CEP164: variants seen among roughly 807,000 people sequenced by gnomAD.
The protein encoded by CEP164 is centrosomal protein of 164 kDa.
CEP164 carries 162 observed loss-of-function variants against 182.7 expected under a neutral mutation model. The ratio of observed to expected loss-of-function variants is 0.89; its 90% CI spans 0.78 to 1.01. The LOEUF is 1.01. CEP164 is among the 50% of genes least tolerant of loss of function. The probability of loss-of-function intolerance (pLI) is 0.00; values close to 1 mark genes in which losing one functional copy is unlikely to be tolerated. For synonymous variants in CEP164, 661 were observed against 690.0 expected, an observed-to-expected ratio of 0.96 and a Z score of 0.66; for missense variants, 1,735 against 1,790.4, an observed-to-expected ratio of 0.97 and a Z score of 0.56.
chr11:117,375,031 G>A (rs1025179478), intron 10 of CEP164, among the ~76,000 whole-genome samples: 3 of 152,208 alleles, frequency 2.0e-5, no homozygotes, highest in African/African-American at 7.2e-5. Flanking sequence ...CCAAAGAGAA[G>A]CCAGTGCAGG....
Position 117,351,758 on chromosome 11 carries a change from G to C in CEP164, c.195-32G>C, listed in dbSNP as rs202137006. On this transcript the variant is annotated intron_variant, in intron 4 of 32. Transcript: ENST00000278935. ...TTTTTTCTTCTTTTGTATCTGAGCA[G>C]GGACTAACTTCTGAACTCTGCCCAT... 49 of 1,584,378 alleles carry C rather than the reference G, an allele frequency of 3.1e-5. No individual in the cohort carries two copies. The East Asian group carries it at 1.1e-3, about 36-fold the overall frequency.
At position 117,358,604 on chromosome 11, in the gene CEP164, T is replaced by C. The variant is rs151228219; in HGVS notation, c.394-3231T>C. The stretch of plus-strand genomic sequence containing the variant: ...TGTTGTCCATGCTGGAGTTCAATGG[T>C]GTGATCGTAGCTCATTGCAGCCTTG... On this transcript the variant is annotated intron_variant, in intron 5 of 32. Coordinates refer to ENST00000278935, the MANE Select transcript of CEP164 (RefSeq NM_014956.5). 2.1e-4 allele frequency among the ~76,000 whole-genome samples: 31 copies of C among 148,462 alleles called. No individual in the cohort carries two copies. The East Asian group carries it at 6.3e-3, about 30-fold the overall frequency.
intron 28 of CEP164, chr11:117,408,576 C>A: frequency 2.6e-6 from 1 of 377,716 alleles, no homozygotes; most frequent in Non-Finnish European, 5.0e-6. Context: ...TGCTGTGAGG[C>A]AGCCTGTGTG....
chr11:117,362,330 G>A lies in CEP164; in HGVS notation c.553-74G>A. The A allele has an allele frequency of 2.0e-6, 3 of 1,488,924 alleles. No individual in the cohort carries two copies. The Admixed American group carries it at 5.7e-5, about 28-fold the overall frequency. The allele number at this position is 1,488,924 out of a possible 1,614,324, so 92.2% of individuals were successfully genotyped here. A position where few individuals can be genotyped will look rare whatever the true frequency, so the allele number is the denominator to read the frequency against. On this transcript the variant is annotated intron_variant, in intron 6 of 32. Coordinates refer to ENST00000278935, the MANE Select transcript of CEP164 (RefSeq NM_014956.5). ...TCTGGGAGACATTGACATAGAGAGT[G>A]GGGAGGAGCATTCTAAAGGTCATTC...
Position 117,413,250 on chromosome 11 carries a change from T to A in CEP164, c.*1082T>A, listed in dbSNP as rs1169007954. 6.6e-6 allele frequency: 1 copy of A among 151,454 alleles called. No individual in the cohort carries two copies. The highest frequency in any genetic ancestry group is 2.4e-5 in the African/African-American group (1 of 41,114). 9.4% of individuals were successfully genotyped at this position (151,454 alleles called of 1,614,324 possible). On this transcript the variant is annotated 3_prime_UTR_variant, in exon 33 of 33. Coordinates refer to ENST00000278935, the MANE Select transcript of CEP164 (RefSeq NM_014956.5). ...TGTTTAAATAAAATGCACTTATTTTTGTTTTTTTTTTTGCAAGCTGTGGGG... is the reference window on the plus strand; with the variant it reads ...TGTTTAAATAAAATGCACTTATTTTAGTTTTTTTTTTTGCAAGCTGTGGGG...
At chr11:117,336,574 C>T (rs759920971) in intron 2 of CEP164, 18 of 1,520,012 alleles carry the variant, frequency 1.2e-5, no homozygotes, top group Non-Finnish European at 1.6e-5. Context: ...ACCTCCAGGG[C>T]ACCCAGTGTT....
intron 4 of CEP164, among the ~76,000 whole-genome samples, chr11:117,347,158 G>C (rs2039010187): frequency 1.3e-5 from 2 of 151,982 alleles, no homozygotes. Context: ...CAAAAATCTT[G>C]ATTTATTTGA....
chr11:117,351,801 C>G lies in CEP164; in HGVS notation c.206C>G (p.Thr69Arg). ...PGEWKPCQDI[T>R]GDIYYFNFAN... ...CTGCCCATCCCCAGCCAGGACATCACAGGTGACATTTACTATTTCAACTTC... is the reference window on the plus strand; with the variant it reads ...CTGCCCATCCCCAGCCAGGACATCAGAGGTGACATTTACTATTTCAACTTC... The change falls in exon 5 of 33, where the codon ACA becomes AGA. Residue 69 changes from threonine (T) to arginine (R), a missense_variant. Thr to Arg is a moderately conservative substitution (Grantham distance 71). Transcript: ENST00000278935. The G allele has an allele frequency of 6.2e-7, 1 of 1,613,732 alleles. No individual in the cohort carries two copies. Among genetic ancestry groups the G allele is most frequent in the Non-Finnish European group, 8.5e-7 (1 of 1,179,918 alleles).
At chr11:117,328,760 A>G (rs1407043837) in intron 1 of CEP164, among the ~76,000 whole-genome samples, 1 of 152,230 alleles carries the variant, frequency 6.6e-6, no homozygotes, top group East Asian at 1.9e-4. Context: ...TCATCTAATA[A>G]ATACAGCAAA....
At position 117,397,163 on chromosome 11, in the gene CEP164, T is replaced by C. The variant is rs951698361; in HGVS notation, c.3351T>C (p.Leu1117=). Residue 1117 remains leucine, a synonymous_variant, in exon 27 of 33, where the codon CTT becomes CTC. Transcript: ENST00000278935. ...GVALRSAKEF[L]VQQTRSMRRR... ...CCCTCCGTAGTGCCAAGGAGTTCCT[T>C]GTGCAGCAGACACGCTCCATGCGGA... 6.2e-7 allele frequency: 1 copy of C among 1,614,246 alleles called. No homozygotes were observed. The highest frequency in any genetic ancestry group is 8.5e-7 in the Non-Finnish European group (1 of 1,180,036).
intron 3 of CEP164, among the ~76,000 whole-genome samples, chr11:117,343,653 G>A (rs989506559): frequency 2.2e-5 from 3 of 137,576 alleles, no homozygotes; most frequent in Admixed American, 7.9e-5. Flanking sequence ...TTTTTGAGAC[G>A]AAGTCTTGCT....
intron 4 of CEP164, among the ~76,000 whole-genome samples, chr11:117,345,008 G>C (rs887766168): frequency 6.6e-6 from 1 of 152,186 alleles, no homozygotes; most frequent in Non-Finnish European, 1.5e-5. Flanking sequence ...ATGTTAAAGA[G>C]GTTTGCAGTG....
intron 5 of CEP164, among the ~76,000 whole-genome samples, chr11:117,352,629 C>T (rs1036416857): frequency 3.3e-5 from 5 of 152,196 alleles, no homozygotes; most frequent in African/African-American, 1.2e-4. Context: ...CTCTGTCACC[C>T]AGGCTGGAGT....
chr11:117,360,845 G>A (rs1375668872), intron 5 of CEP164, among the ~76,000 whole-genome samples: 1 of 151,930 alleles, frequency 6.6e-6, no homozygotes, highest in African/African-American at 2.4e-5. Context: ...GCTTTTTCTT[G>A]ACTCATCAGT....
intron 4 of CEP164, among the ~76,000 whole-genome samples, chr11:117,349,228 G>A (rs1476125582): frequency 6.6e-6 from 1 of 152,008 alleles, no homozygotes; most frequent in Non-Finnish European, 1.5e-5. Context: ...TCACCATGTT[G>A]GCCAGGCTGG....
At chr11:117,354,574 G>A (rs879869573) in intron 5 of CEP164, among the ~76,000 whole-genome samples, 4 of 152,052 alleles carry the variant, frequency 2.6e-5, no homozygotes, top group Non-Finnish European at 5.9e-5. Context: ...AACTTCCCAG[G>A]TTCCATGGAG....
At chr11:117,357,579 A>G (rs534296) in intron 5 of CEP164, among the ~76,000 whole-genome samples, 32,959 of 151,204 alleles carry the variant, frequency 0.22, 3,737 homozygotes, top group African/African-American at 0.28. Context: ...GTGCTAACAC[A>G]CCTGGCTAAT....
chr11:117,372,473 A>C (rs1386338508), intron 9 of CEP164, among the ~76,000 whole-genome samples: 2 of 149,754 alleles, frequency 1.3e-5, no homozygotes, highest in East Asian at 4.0e-4. Flanking sequence ...GCTGGAGTGC[A>C]GTGGTGCGAT....
chr11:117,409,824 G>A lies in CEP164; in HGVS notation c.3955G>A (p.Ala1319Thr), dbSNP rs769207410. 235 of 1,607,746 alleles carry A rather than the reference G, an allele frequency of 1.5e-4. No homozygotes were observed. The highest frequency in any genetic ancestry group is 2.0e-4 in the Non-Finnish European group (230 of 1,179,010). The part of the protein sequence containing the change: ...TPTPTYYGSL[A>T]RFSALSSATP... ...CACCCCCACCTACTATGGCTCCCTG[G>A]CCAGGTTCTCAGCCTTATCATCTGC... Residue 1319 changes from alanine to threonine, a missense_variant, in exon 30 of 33, where the codon GCC (alanine) becomes ACC (threonine). Coordinates refer to ENST00000278935, the MANE Select transcript of CEP164 (RefSeq NM_014956.5). This position sits in a 1 kb window ranked among gnomAD's most constrained non-coding sequence, Gnocchi z 4.4.
Sources: allele counts gnomAD v4.1 joint callset (sites outside exome capture counted in the v4.1 genomes callset), GRCh38; gene constraint gnomAD v4.1.1; non-coding constraint Gnocchi (gnomAD v3.1); transcripts MANE v1.5; gene names NCBI Gene and HGNC (gene_info 2026-07-23, HGNC 2026-07-21).